OGT: variants seen among roughly 807,000 people sequenced by gnomAD.
OGT encodes UDP-N-acetylglucosamine--peptide N-acetylglucosaminyltransferase 110 kDa subunit.
Under a neutral mutation model 75.8 loss-of-function variants are expected in OGT, and 3 were observed. That is an observed-to-expected ratio of 0.04 (90% CI 0.02 to 0.10). The LOEUF is 0.10. Ranked by LOEUF, OGT falls within the 10% of genes least tolerant of loss-of-function variation. The pLI is 1.00. For synonymous variants in OGT, 257 were observed against 289.7 expected (o/e 0.89, Z 1.15); for missense variants, 260 against 824.4 (o/e 0.32, Z 8.38).
intron 3 of OGT, among the ~76,000 whole-genome samples, chrX:71,541,261 G>GTTACTGCTGAGCCTCTCTT: frequency 8.9e-6 from 1 of 111,859 alleles, no homozygotes; most frequent in Middle Eastern, 4.6e-3. Context: ...TTTGTTACTT[G>GTTACTGCTGAGCCTCTCTT]TTACTGCTGA....
intron 6 of OGT, 86 bp from the exon 7 acceptor site, chrX:71,555,104 A>G: frequency 1.4e-6 from 1 of 722,466 alleles, no homozygotes; most frequent in Non-Finnish European, 2.0e-6. Context: ...ATGAGTTGTA[A>G]CAAACCATCC....
chrX:71,536,190 G>A lies in OGT; in HGVS notation c.50G>A (p.Arg17His), dbSNP rs1199065468. 4 of 1,200,668 alleles carry A rather than the reference G, an allele frequency of 3.3e-6. No individual in the cohort carries two copies. Among genetic ancestry groups the A allele is most frequent in the Non-Finnish European group, 4.5e-6 (4 of 891,286 alleles). Residue 17 changes from arginine (R) to histidine (H), a missense_variant, in exon 2 of 22, where the codon CGT becomes CAT. Transcript: ENST00000373719. ...NVADSTEPTKRMLSFQGLAEL... is the reference protein window; with the variant it reads ...NVADSTEPTKHMLSFQGLAEL... ...GATGATTCTCCAGAACCAACGAAAC[G>A]TATGCTTTCCTTCCAAGGGTTAGCT...
Position 71,575,666 on chromosome X carries a change from G to A in OGT, c.*1872G>A, listed in dbSNP as rs191878713. On this transcript the variant is annotated 3_prime_UTR_variant, in exon 22 of 22. Coordinates refer to ENST00000373719, the MANE Select transcript of OGT (RefSeq NM_181672.3). The stretch of plus-strand genomic sequence containing the variant: ...ATAGGGATGAACTTTTTCCTGGCAC[G>A]AAAAGTAGCCGCTCTGGTTGAAGCT... The A allele has an allele frequency of 4.9e-3, 549 of 112,509 alleles. 2 individuals carry two copies. Among genetic ancestry groups the A allele is most frequent in the Middle Eastern group, 0.027 (6 of 219 alleles). 9.3% of individuals were successfully genotyped at this position (112,509 alleles called of 1,213,427 possible).
Position 71,557,562 on chromosome X carries a change from G to C in OGT, c.1492G>C (p.Glu498Gln). Residue 498 changes from glutamate (E) to glutamine (Q), a missense_variant, in exon 12 of 22, where the codon GAG (glutamate) becomes CAG (glutamine). By Grantham distance (29) the Glu-to-Gln change is conservative. This residue lies in a region of OGT where 99 missense variants were observed against 417.9 expected (regional missense o/e 0.24). Coordinates refer to ENST00000373719, the MANE Select transcript of OGT (RefSeq NM_181672.3). ...KLVSIVADQL[E>Q]KNRLPSVHPH... ...GGTCAGTATTGTGGCTGACCAGTTAGAGAAGAATAGGTTGCCTTCTGTGCA... is the reference window on the plus strand; with the variant it reads ...GGTCAGTATTGTGGCTGACCAGTTACAGAAGAATAGGTTGCCTTCTGTGCA... 2 of 1,210,162 alleles carry C rather than the reference G, an allele frequency of 1.7e-6. No homozygotes were observed. The highest frequency in any genetic ancestry group is 2.2e-6 in the Non-Finnish European group (2 of 893,963).
intron 2 of OGT, chrX:71,537,257 C>CG (rs1214735318): frequency 1.8e-5 from 2 of 109,536 alleles, no homozygotes; most frequent in African/African-American, 6.8e-5. Context: ...CATCAGCCAC[C>CG]GCGCCCGGCC....
intron 1 of OGT, among the ~76,000 whole-genome samples, chrX:71,533,601 C>T (rs756522962): frequency 5.4e-5 from 6 of 111,531 alleles, no homozygotes; most frequent in Non-Finnish European, 9.4e-5. Context: ...GCATTCCACT[C>T]TCTCCAGGCG....
At position 71,557,299 on chromosome X, in the gene OGT, AAAGAAT is replaced by A. The variant is rs752812595; in HGVS notation, c.1422+6_1422+11del. The A allele has an allele frequency of 5.8e-5, 68 of 1,175,314 alleles. No individual in the cohort carries two copies. The highest frequency in any genetic ancestry group is 2.7e-4 in the Middle Eastern group (1 of 3,768). The stretch of plus-strand genomic sequence containing the variant: ...GTAACTTGGCTCATTGCCTGCAGGT[AAAGAAT>A]AACAGGCCAGTAATTGGCTCTCAGT... On this transcript the variant is annotated splice_donor_5th_base_variant and intron_variant, in intron 11 of 21. Transcript: ENST00000373719.
chrX:71,552,060 A>G (rs2040308204), intron 5 of OGT, among the ~76,000 whole-genome samples: 2 of 107,697 alleles, frequency 1.9e-5, no homozygotes, highest in African/African-American at 3.4e-5. Flanking sequence ...ATACAAAAGA[A>G]AAAAAAAACA....
chrX:71,548,249 A>C (rs947608217), intron 5 of OGT, among the ~76,000 whole-genome samples: 11 of 111,534 alleles, frequency 9.9e-5, no homozygotes, highest in African/African-American at 2.9e-4. Flanking sequence ...TCGAGTACCC[A>C]TGCAGCCATT....
At chrX:71,551,140 A>C (rs2147678302) in intron 5 of OGT, among the ~76,000 whole-genome samples, 1 of 112,550 alleles carries the variant, frequency 8.9e-6, no homozygotes, top group South Asian at 3.7e-4. Context: ...TCAAACCATC[A>C]CATTGTATGC....
intron 3 of OGT, among the ~76,000 whole-genome samples, chrX:71,542,703 C>T (rs962084402): frequency 8.9e-6 from 1 of 112,057 alleles, no homozygotes; most frequent in African/African-American, 3.2e-5. Flanking sequence ...TGTATAACCA[C>T]AATTATCAAG....
In OGT at chrX:71,555,936, CTT is replaced by C. The variant is rs1175457846; in HGVS notation, c.925-16_925-15del. The stretch of plus-strand genomic sequence containing the variant: ...TATGATTCTGTACAGTTTTTGAAGA[CTT>C]TGTTTTGTTTTCTAGGTTGCTGAAG... On this transcript the variant is annotated splice_polypyrimidine_tract_variant and intron_variant, in intron 7 of 21. Coordinates refer to ENST00000373719, the MANE Select transcript of OGT (RefSeq NM_181672.3). 8.3e-7 allele frequency: 1 copy of C among 1,207,856 alleles called. No homozygotes were observed. Among genetic ancestry groups the C allele is most frequent in the Non-Finnish European group, 1.1e-6 (1 of 893,416 alleles).
chrX:71,560,414 G>A lies in OGT; in HGVS notation c.1851+737G>A, dbSNP rs1293361574. On this transcript the variant is annotated intron_variant, in intron 14 of 21. Transcript: ENST00000373719. ...GAGAGTAAGTTTTATGATAAATTAA[G>A]ATTGAAACCTATGGGGGAATTAATT... 3.6e-5 allele frequency among the ~76,000 whole-genome samples: 4 copies of A among 110,604 alleles called. No homozygotes were observed. The Admixed American group carries it at 3.9e-4, about 11-fold the overall frequency.
chrX:71,548,161 A>C (rs2040275150), intron 5 of OGT, 138 bp downstream of exon 5: 3 of 580,392 alleles, frequency 5.2e-6, no homozygotes, highest in Admixed American at 4.1e-5. Flanking sequence ...TGACTTACAG[A>C]GAACAATGAT....
intron 14 of OGT, among the ~76,000 whole-genome samples, chrX:71,560,932 C>G (rs769592819): frequency 1.8e-5 from 2 of 110,216 alleles, no homozygotes; most frequent in Non-Finnish European, 3.8e-5. Flanking sequence ...AATTACTCAC[C>G]CTTTTTTTTT....
intron 7 of OGT, chrX:71,555,695 C>A (rs1351280674): frequency 2.0e-5 from 8 of 400,407 alleles, no homozygotes; most frequent in Non-Finnish European, 3.4e-5. Flanking sequence ...AGCACTCCAG[C>A]CTGGGCAACA....
chrX:71,566,135 GT>G (rs1373565136), intron 19 of OGT, among the ~76,000 whole-genome samples: 2 of 111,801 alleles, frequency 1.8e-5, no homozygotes, highest in Non-Finnish European at 3.8e-5. Flanking sequence ...TTTGTTTTAT[GT>G]TTAGAGGAGA....
intron 1 of OGT, among the ~76,000 whole-genome samples, chrX:71,535,607 G>T (rs1358560268): frequency 9.0e-6 from 1 of 111,541 alleles, no homozygotes; most frequent in Non-Finnish European, 1.9e-5. Context: ...TCCTTTTAAA[G>T]AATTAAATTC....
chrX:71,571,772 T>C (rs2040459888), intron 21 of OGT, among the ~76,000 whole-genome samples: 1 of 104,587 alleles, frequency 9.6e-6, no homozygotes, highest in Non-Finnish European at 2.0e-5. Flanking sequence ...GAAATAACCC[T>C]TTTTTTTTTC....
Sources: gnomAD v4.1 joint callset for allele counts (sites outside exome capture counted in the v4.1 genomes callset) on GRCh38, gnomAD v4.1.1 for gene constraint, gnomAD v4.1.1 regional missense constraint, MANE v1.5 for transcripts, NCBI Gene and HGNC (gene_info 2026-07-23, HGNC 2026-07-21) for gene names.